Variants in PLA2G4A observed in about 807,000 individuals in gnomAD.
PLA2G4A encodes cytosolic phospholipase A2.
Under a neutral mutation model 81.9 loss-of-function variants are expected in PLA2G4A, and 40 were observed. That is an observed-to-expected ratio of 0.49 (90% CI 0.38 to 0.64). The LOEUF is 0.64. Among genes scored for constraint, PLA2G4A ranks in the 30% least tolerant of loss-of-function variants. PLA2G4A has a pLI of 0.00. For missense variants in PLA2G4A, 715 were observed against 905.1 expected (o/e 0.79, Z 2.69); for synonymous variants, 302 against 296.9 (o/e 1.02, Z -0.18).
chr1:186,899,862 G>A (rs1246268752), intron 5 of PLA2G4A, among the ~76,000 whole-genome samples: 1 of 152,142 alleles, frequency 6.6e-6, no homozygotes, highest in African/African-American at 2.4e-5. Context: ...GGTGACTTGA[G>A]GAAAGTCACA....
chr1:186,948,035 G>C (rs1656403969), intron 12 of PLA2G4A, among the ~76,000 whole-genome samples: 1 of 152,088 alleles, frequency 6.6e-6, no homozygotes, highest in African/African-American at 2.4e-5. Context: ...GGAACATTAA[G>C]TTGGCTTATA....
chr1:186,988,559 C>T lies in PLA2G4A; in HGVS notation c.*51C>T, dbSNP rs373635820. The T allele has an allele frequency of 3.2e-5, 49 of 1,528,388 alleles. No homozygotes were observed. In the African/African-American group the frequency reaches 5.9e-4, roughly 18 times the overall value. The allele number at this position is 1,528,388 out of a possible 1,614,324, so 94.7% of individuals were successfully genotyped here. A position where few individuals can be genotyped will look rare whatever the true frequency, so the allele number is the denominator to read the frequency against. On this transcript the variant is annotated 3_prime_UTR_variant, in exon 18 of 18. Coordinates refer to ENST00000367466, the MANE Select transcript of PLA2G4A (RefSeq NM_024420.3). ...TTCTGATGCTGAGGCAGTTTGCAAT[C>T]CCATGACAACTGGATTTAAAAGTAC...
intron 7 of PLA2G4A, among the ~76,000 whole-genome samples, chr1:186,926,150 T>C (rs1164841587): frequency 6.6e-6 from 1 of 152,238 alleles, no homozygotes; most frequent in Non-Finnish European, 1.5e-5. Context: ...TCTTAGGTTC[T>C]TCTTTTCAAA....
At chr1:186,925,655 G>A (rs1016994894) in intron 7 of PLA2G4A, among the ~76,000 whole-genome samples, 1 of 152,044 alleles carries the variant, frequency 6.6e-6, no homozygotes, top group Admixed American at 6.6e-5. Context: ...GAGCACACAG[G>A]TAATTTCTTC....
chr1:186,869,107 G>T (rs1653146014), intron 2 of PLA2G4A, among the ~76,000 whole-genome samples: 1 of 151,642 alleles, frequency 6.6e-6, no homozygotes, highest in South Asian at 2.1e-4. Context: ...AGTACCCTAA[G>T]GTGGTAACTT....
At chr1:186,863,935 T>C (rs1331710192) in intron 2 of PLA2G4A, among the ~76,000 whole-genome samples, 2 of 151,978 alleles carry the variant, frequency 1.3e-5, no homozygotes, top group African/African-American at 2.4e-5. Flanking sequence ...TAATTTTTTA[T>C]ATTTTTAGTA....
chr1:186,936,646 GA>G (rs1011548310), intron 8 of PLA2G4A, among the ~76,000 whole-genome samples: 5 of 151,910 alleles, frequency 3.3e-5, no homozygotes, highest in African/African-American at 1.2e-4. Context: ...CGAAGGTTTG[GA>G]TTCAGCAAGT....
Position 186,952,567 on chromosome 1 carries a change from ATCAG to A in PLA2G4A, c.1336+1843_1336+1846del, listed in dbSNP as rs150115836. On this transcript the variant is annotated intron_variant, in intron 13 of 17. Coordinates refer to ENST00000367466, the MANE Select transcript of PLA2G4A (RefSeq NM_024420.3). ...GTGATGAACTTAAATTGACATTATT[ATCAG>A]TCAAAGTCCATAGTTTACAGTAGGA... 7.8e-3 allele frequency among the ~76,000 whole-genome samples: 1,190 copies of A among 152,274 alleles called. 20 individuals are homozygous for A. The highest frequency in any genetic ancestry group is 0.027 in the African/African-American group (1,127 of 41,534).
chr1:186,836,895 G>A (rs1267906256), intron 1 of PLA2G4A, among the ~76,000 whole-genome samples: 1 of 152,176 alleles, frequency 6.6e-6, no homozygotes, highest in Non-Finnish European at 1.5e-5. Flanking sequence ...TGCAAAGGCG[G>A]AGAATGGGAA....
intron 14 of PLA2G4A, among the ~76,000 whole-genome samples, chr1:186,965,056 G>C (rs1197981838): frequency 6.6e-6 from 1 of 152,204 alleles, no homozygotes; most frequent in Non-Finnish European, 1.5e-5. Context: ...ATGAGGAAAT[G>C]TTTAGAAACA....
chr1:186,916,166 C>T (rs1195286734), intron 7 of PLA2G4A, among the ~76,000 whole-genome samples: 4 of 17,216 alleles, frequency 2.3e-4, no homozygotes, highest in East Asian at 5.1e-3. Flanking sequence ...GGAGAGCGTT[C>T]GTAAACTTCT....
chr1:186,930,814 A>G (rs1655715720), intron 7 of PLA2G4A, among the ~76,000 whole-genome samples: 1 of 152,156 alleles, frequency 6.6e-6, no homozygotes, highest in Admixed American at 6.6e-5. Context: ...ACCTGCTACA[A>G]TACTAAGACC....
At chr1:186,863,689 T>C (rs1438000085) in intron 2 of PLA2G4A, among the ~76,000 whole-genome samples, 2 of 152,144 alleles carry the variant, frequency 1.3e-5, no homozygotes, top group African/African-American at 4.8e-5. Context: ...TCTCTACTTC[T>C]ATGGCATCAA....
chr1:186,870,840 T>C, intron 3 of PLA2G4A: 1 of 724,374 alleles, frequency 1.4e-6, no homozygotes, highest in Non-Finnish European at 2.3e-6. Context: ...TTCTGCCTTC[T>C]TCAAATGTGG....
rs144824996 is a variant in PLA2G4A at position 186,921,337 on chromosome 1, C to T, written c.558+9948C>T. 8.5e-4 allele frequency among the ~76,000 whole-genome samples: 129 copies of T among 152,290 alleles called. 1 individual carries two copies. Among genetic ancestry groups the T allele is most frequent in the African/African-American group, 2.9e-3 (119 of 41,552 alleles). On this transcript the variant is annotated intron_variant, in intron 7 of 17. Coordinates refer to ENST00000367466, the MANE Select transcript of PLA2G4A (RefSeq NM_024420.3). ...CATGAGCAGCTAGTGGCAATCAGCACAAGTAGGATTATGAGTCTGTATAAT... is the reference window on the plus strand; with the variant it reads ...CATGAGCAGCTAGTGGCAATCAGCATAAGTAGGATTATGAGTCTGTATAAT...
At chr1:186,951,449 T>C (rs573391297) in intron 13 of PLA2G4A, among the ~76,000 whole-genome samples, 8 of 13,312 alleles carry the variant, frequency 6.0e-4, no homozygotes, top group African/African-American at 5.1e-3. Flanking sequence ...ATGTTCCCAA[T>C]AGTTAAAAAA....
At position 186,861,902 on chromosome 1, in the gene PLA2G4A, A is replaced by T. The variant is rs911593697; in HGVS notation, c.33+7515A>T. On this transcript the variant is annotated intron_variant, in intron 2 of 17. Coordinates refer to ENST00000367466, the MANE Select transcript of PLA2G4A (RefSeq NM_024420.3). ...CCTCCCCATTGAAGGCTGTGTGCTCAGAGTAAGAAAACCTCATTTTACCCA... is the reference window on the plus strand; with the variant it reads ...CCTCCCCATTGAAGGCTGTGTGCTCTGAGTAAGAAAACCTCATTTTACCCA... 3.0e-4 allele frequency among the ~76,000 whole-genome samples: 46 copies of T among 151,902 alleles called. 1 individual carries two copies. Among genetic ancestry groups the T allele is most frequent in the Non-Finnish European group, 2.9e-5 (2 of 67,976 alleles).
intron 2 of PLA2G4A, among the ~76,000 whole-genome samples, chr1:186,863,292 C>T (rs190091912): frequency 7.9e-5 from 12 of 152,282 alleles, no homozygotes; most frequent in Admixed American, 6.5e-4. Context: ...CTGGTTTTCA[C>T]TGCTAGAGCA....
At chr1:186,955,867 G>A (rs563797733) in intron 13 of PLA2G4A, among the ~76,000 whole-genome samples, 3 of 150,268 alleles carry the variant, frequency 2.0e-5, no homozygotes, top group East Asian at 2.0e-4. Flanking sequence ...CCGAGTAGCT[G>A]GGACTAGAGG....
Sources: allele counts gnomAD v4.1 joint callset (sites outside exome capture counted in the v4.1 genomes callset), GRCh38; gene constraint gnomAD v4.1.1; transcripts MANE v1.5; gene names NCBI Gene and HGNC (gene_info 2026-07-23, HGNC 2026-07-21).